The following ADD1 variants were observed in gnomAD, a reference collection of about 807,000 sequenced individuals.
ADD1 encodes the protein adducin 1, also known as alpha-adducin.
Under a neutral mutation model 80.5 loss-of-function variants are expected in ADD1, and 24 were observed. The ratio of observed to expected loss-of-function variants is 0.30; its 90% CI spans 0.22 to 0.42. The LOEUF is 0.42. ADD1 is among the 10% of genes least tolerant of loss of function. The pLI, the probability that ADD1 is intolerant of heterozygous loss-of-function variation, is 1.00. For missense variants in ADD1, 948 were observed against 1,019.0 expected (o/e 0.93, Z 0.95); for synonymous variants, 373 against 393.8 (o/e 0.95, Z 0.63).
intron 13 of ADD1, among the ~76,000 whole-genome samples, chr4:2,909,895 A>G (rs1737731718): frequency 6.6e-6 from 1 of 151,454 alleles, no homozygotes; most frequent in Non-Finnish European, 1.5e-5. Flanking sequence ...TATCATTGAA[A>G]GATGTCATTT....
intron 9 of ADD1, among the ~76,000 whole-genome samples, chr4:2,903,875 A>T (rs1048743396): frequency 6.6e-6 from 1 of 152,184 alleles, no homozygotes; most frequent in Non-Finnish European, 1.5e-5. Context: ...TAGAGGCATG[A>T]AGTAAGTGGG....
At chr4:2,874,873 C>T (rs1435052636) in intron 1 of ADD1, among the ~76,000 whole-genome samples, 1 of 152,164 alleles carries the variant, frequency 6.6e-6, no homozygotes, top group Non-Finnish European at 1.5e-5. Flanking sequence ...TCAGGCCCCA[C>T]TCCAGACCTA....
intron 11 of ADD1, 118 bp from the exon 12 acceptor site, chr4:2,908,397 G>A (rs1737422087): frequency 2.4e-6 from 2 of 847,586 alleles, no homozygotes; most frequent in Non-Finnish European, 1.9e-6. Flanking sequence ...GCGTGGGGCA[G>A]TGGGAGAGCT....
intron 1 of ADD1, among the ~76,000 whole-genome samples, chr4:2,852,321 TTTTC>T (rs1727398960): frequency 1.4e-5 from 2 of 144,926 alleles, no homozygotes; most frequent in Non-Finnish European, 3.0e-5. Context: ...TTTTCTTTTC[TTTTC>T]TTTCTTTTTT....
chr4:2,881,292 T>C (rs1732287196), intron 2 of ADD1, among the ~76,000 whole-genome samples: 1 of 152,104 alleles, frequency 6.6e-6, no homozygotes, highest in Non-Finnish European at 1.5e-5. Context: ...TTGGCCAGGC[T>C]GGTCTCGAAC....
At chr4:2,883,718 C>CTGCAG (rs1320790731) in intron 3 of ADD1, among the ~76,000 whole-genome samples, 3 of 151,970 alleles carry the variant, frequency 2.0e-5, no homozygotes, top group Non-Finnish European at 2.9e-5. Flanking sequence ...GTCGCCTGGG[C>CTGCAG]TGCAGTGCAG....
In ADD1 at chr4:2,906,201, C is replaced by G. The variant is rs36086016; in HGVS notation, c.1506+1093C>G. ...CCTGACGCAGTTGGTGAGAAGCCTC[C>G]GTGCTCCTGAGCGGCCGCGTCACCT... On this transcript the variant is annotated intron_variant, in intron 10 of 15. Transcript: ENST00000683351. Among the ~76,000 whole-genome samples the G allele has an allele frequency of 3.3e-3, 496 of 152,278 alleles. 1 individual carries two copies. The highest frequency in any genetic ancestry group is 0.012 in the African/African-American group (481 of 41,554).
At chr4:2,912,875 T>TG (rs1738313777) in intron 13 of ADD1, among the ~76,000 whole-genome samples, 1 of 152,100 alleles carries the variant, frequency 6.6e-6, no homozygotes, top group Non-Finnish European at 1.5e-5. Flanking sequence ...GACGGAGTCT[T>TG]GCTCTGTTGC....
intron 3 of ADD1, among the ~76,000 whole-genome samples, chr4:2,883,953 G>T (rs1490523822): frequency 6.6e-6 from 1 of 152,216 alleles, no homozygotes; most frequent in Non-Finnish European, 1.5e-5. Context: ...TTACAGGCGT[G>T]AGCCACCGCG....
At chr4:2,903,510 C>A (rs1433282406) in intron 9 of ADD1, among the ~76,000 whole-genome samples, 1 of 152,194 alleles carries the variant, frequency 6.6e-6, no homozygotes, top group Non-Finnish European at 1.5e-5. Context: ...CTCAGAGGAT[C>A]CACATCCAGG....
chr4:2,863,849 A>G (rs1169235409), intron 1 of ADD1, among the ~76,000 whole-genome samples: 3 of 152,166 alleles, frequency 2.0e-5, no homozygotes, highest in Non-Finnish European at 4.4e-5. Flanking sequence ...GAGTACAGTC[A>G]TGAGCCACTG....
chr4:2,889,183 T>A (rs1208202296), intron 4 of ADD1, among the ~76,000 whole-genome samples: 2 of 152,182 alleles, frequency 1.3e-5, no homozygotes, highest in Non-Finnish European at 2.9e-5. Flanking sequence ...TAGGGCCAAA[T>A]TGCATGCATT....
intron 1 of ADD1, among the ~76,000 whole-genome samples, chr4:2,856,404 T>C (rs1728068657): frequency 6.6e-6 from 1 of 152,252 alleles, no homozygotes; most frequent in South Asian, 2.1e-4. Context: ...ATTTTGGCCT[T>C]GGCTATTCTG....
intron 4 of ADD1, among the ~76,000 whole-genome samples, chr4:2,886,112 T>G (rs1473444453): frequency 6.6e-6 from 1 of 152,236 alleles, no homozygotes; most frequent in Non-Finnish European, 1.5e-5. Flanking sequence ...CAAGTGTACC[T>G]TATGCAGATG....
intron 1 of ADD1, among the ~76,000 whole-genome samples, chr4:2,873,485 T>A (rs1012828327): frequency 6.6e-6 from 1 of 152,242 alleles, no homozygotes; most frequent in African/African-American, 2.4e-5. Context: ...ATGGAGCATG[T>A]ATATACCTGG....
chr4:2,901,603 A>G (rs898762645), intron 9 of ADD1: 2 of 152,184 alleles, frequency 1.3e-5, no homozygotes, highest in African/African-American at 4.8e-5. Flanking sequence ...GTTGGCATAT[A>G]TGTTGTTTGC....
chr4:2,852,278 CTTCTT>C (rs58878174), intron 1 of ADD1, among the ~76,000 whole-genome samples: 24,563 of 111,224 alleles, frequency 0.22, 3,317 homozygotes, highest in Middle Eastern at 0.31. Flanking sequence ...TCCTTCCTTC[CTTCTT>C]TTCTTTTCTT....
chr4:2,872,611 G>A (rs1730625303), intron 1 of ADD1, among the ~76,000 whole-genome samples: 1 of 152,372 alleles, frequency 6.6e-6, no homozygotes, highest in Admixed American at 6.5e-5. Context: ...ATGCTGGAGT[G>A]TAGTGGTGCC....
rs566128706 is a variant in ADD1 at position 2,864,519 on chromosome 4, A to T, written c.-20-11377A>T. On this transcript the variant is annotated intron_variant, in intron 1 of 15. Transcript: ENST00000683351. ...ATGCTGCTGAAAATACAATGTTCCA[A>T]CAGTGTCCTCTGTTCATTTTATACT... Among the ~76,000 whole-genome samples the T allele has an allele frequency of 3.0e-4, 46 of 152,344 alleles. No homozygotes were observed. The Middle Eastern group carries it at 0.014, about 45-fold the overall frequency.
Sources: gnomAD v4.1 joint callset for allele counts (sites outside exome capture counted in the v4.1 genomes callset) on GRCh38, gnomAD v4.1.1 for gene constraint, MANE v1.5 for transcripts, NCBI Gene and HGNC (gene_info 2026-07-23, HGNC 2026-07-21) for gene names.